Variants in MARCHF1 observed in about 807,000 individuals in gnomAD.
MARCHF1 encodes E3 ubiquitin-protein ligase MARCHF1.
In MARCHF1, 40 loss-of-function variants were observed where a neutral mutation model predicts 54.2. The ratio of observed to expected loss-of-function variants is 0.74; its 90% CI spans 0.57 to 0.96. The LOEUF (loss-of-function observed/expected upper bound fraction) is 0.96, where lower values mean the gene tolerates loss of function less well. Ranked by LOEUF, MARCHF1 falls within the 40% of genes least tolerant of loss-of-function variation. The probability of loss-of-function intolerance (pLI) is 0.00; values close to 1 mark genes in which losing one functional copy is unlikely to be tolerated. For synonymous variants in MARCHF1, 236 were observed against 236.3 expected, an observed-to-expected ratio of 1.00 and a Z score of 0.01; for missense variants, 586 against 656.5, an observed-to-expected ratio of 0.89 and a Z score of 1.17.
intron 4 of MARCHF1, among the ~76,000 whole-genome samples, chr4:163,816,797 G>A (rs1417081979): frequency 6.6e-6 from 1 of 152,012 alleles, no homozygotes; most frequent in Non-Finnish European, 1.5e-5. Flanking sequence ...CTCCATAAAG[G>A]GTTACTGAGC....
At chr4:164,093,734 G>T (rs529214631) in intron 2 of MARCHF1, among the ~76,000 whole-genome samples, 9 of 152,198 alleles carry the variant, frequency 5.9e-5, no homozygotes, top group African/African-American at 1.9e-4. Context: ...GTCCCTTCAG[G>T]CTAGAAATAA....
At chr4:164,337,754 T>C (rs1452548484) in intron 1 of MARCHF1, among the ~76,000 whole-genome samples, 2 of 152,146 alleles carry the variant, frequency 1.3e-5, no homozygotes, top group Admixed American at 1.3e-4. Flanking sequence ...TATGACCACA[T>C]GCAGCCAGCT....
intron 8 of MARCHF1, among the ~76,000 whole-genome samples, chr4:163,579,079 T>C (rs1005397204): frequency 3.3e-5 from 5 of 152,196 alleles, no homozygotes; most frequent in African/African-American, 1.2e-4. Flanking sequence ...CTCAGGTGAA[T>C]TTCTTTGACA....
At chr4:163,667,083 TA>T (rs1420228822) in intron 5 of MARCHF1, among the ~76,000 whole-genome samples, 2 of 152,136 alleles carry the variant, frequency 1.3e-5, no homozygotes, top group African/African-American at 2.4e-5. Flanking sequence ...AAATATTTTC[TA>T]AAAAAATCCA....
chr4:164,052,757 C>A (rs1754401376), intron 2 of MARCHF1, among the ~76,000 whole-genome samples: 1 of 152,036 alleles, frequency 6.6e-6, no homozygotes, highest in South Asian at 2.1e-4. Context: ...ATAAAGTAGT[C>A]AGGTAAAATC....
At chr4:163,667,828 T>C (rs1405902566) in intron 5 of MARCHF1, among the ~76,000 whole-genome samples, 2 of 152,126 alleles carry the variant, frequency 1.3e-5, no homozygotes, top group Non-Finnish European at 2.9e-5. Flanking sequence ...GGTTTCACCA[T>C]GTTGCCCAAG....
chr4:163,804,059 C>A (rs898890886), intron 4 of MARCHF1, among the ~76,000 whole-genome samples: 1 of 152,142 alleles, frequency 6.6e-6, no homozygotes, highest in Non-Finnish European at 1.5e-5. Context: ...AAAAATAATT[C>A]TTGAGAAGCA....
chr4:163,830,334 A>C (rs1748982890), intron 4 of MARCHF1, among the ~76,000 whole-genome samples: 2 of 151,362 alleles, frequency 1.3e-5, no homozygotes, highest in South Asian at 2.1e-4. Flanking sequence ...AATATATATT[A>C]AAGATATATG....
intron 3 of MARCHF1, among the ~76,000 whole-genome samples, chr4:163,883,345 G>GAA (rs1377490442): frequency 5.2e-5 from 3 of 57,706 alleles, no homozygotes; most frequent in Non-Finnish European, 3.9e-5. Context: ...ACCTACGGAT[G>GAA]TATTTTTTTT....
intron 5 of MARCHF1, among the ~76,000 whole-genome samples, chr4:163,650,780 T>G (rs376475955): frequency 1.1e-4 from 17 of 152,090 alleles, no homozygotes; most frequent in African/African-American, 4.1e-4. Context: ...TTTGGTCAAT[T>G]TGTGTGTCTT....
chr4:164,295,895 G>T (rs188487661), intron 1 of MARCHF1, among the ~76,000 whole-genome samples: 1 of 152,206 alleles, frequency 6.6e-6, no homozygotes, highest in Admixed American at 6.5e-5. Flanking sequence ...AATAAGACTT[G>T]TTAATTTAGT....
At chr4:164,159,096 A>G (rs775982705) in intron 1 of MARCHF1, among the ~76,000 whole-genome samples, 12 of 152,318 alleles carry the variant, frequency 7.9e-5, no homozygotes, top group Non-Finnish European at 1.5e-4. Context: ...CTTGTGTGGC[A>G]ATGGCCAAAT....
At chr4:164,230,226 T>A (rs1579641851) in intron 1 of MARCHF1, among the ~76,000 whole-genome samples, 1 of 151,892 alleles carries the variant, frequency 6.6e-6, no homozygotes, top group Non-Finnish European at 1.5e-5. Context: ...TGAAACCCCA[T>A]CTCTACTAAA....
intron 8 of MARCHF1, among the ~76,000 whole-genome samples, chr4:163,555,165 C>T (rs898415198): frequency 1.3e-5 from 2 of 152,140 alleles, no homozygotes; most frequent in Non-Finnish European, 1.5e-5. Context: ...GATTTAGGCA[C>T]ATTTGCAGTG....
Position 163,580,797 on chromosome 4 carries a change from A to AG in MARCHF1, c.1191+4951dup, listed in dbSNP as rs994662993. Among the ~76,000 whole-genome samples the AG allele has an allele frequency of 4.0e-5, 3 of 75,360 alleles. 1 individual carries two copies. Among genetic ancestry groups the AG allele is most frequent in the Admixed American group, 1.7e-4 (1 of 5,898 alleles). The allele number at this position is 75,360 out of a possible 152,430, so 49.4% of individuals were successfully genotyped here. ...CAGGAATGATTTAAGTAAGTATTAA[A>AG]GTTTTTTTTTTTTTTTGAGACGGAG... On this transcript the variant is annotated intron_variant, in intron 8 of 9. Coordinates refer to ENST00000514618, the MANE Select transcript of MARCHF1 (RefSeq NM_001394959.1).
chr4:164,096,311 A>T (rs1214232291), intron 2 of MARCHF1, among the ~76,000 whole-genome samples: 1 of 152,158 alleles, frequency 6.6e-6, no homozygotes, highest in Non-Finnish European at 1.5e-5. Flanking sequence ...AAACTAACAC[A>T]GAAACAGAAA....
At chr4:164,215,988 C>T (rs534968511) in intron 1 of MARCHF1, among the ~76,000 whole-genome samples, 2 of 152,124 alleles carry the variant, frequency 1.3e-5, no homozygotes, top group Non-Finnish European at 2.9e-5. Context: ...AATATTATTT[C>T]TGTATTTAAT....
At chr4:164,171,490 G>A (rs1175218984) in intron 1 of MARCHF1, among the ~76,000 whole-genome samples, 3 of 152,096 alleles carry the variant, frequency 2.0e-5, no homozygotes, top group African/African-American at 7.2e-5. Context: ...AATATTAAGT[G>A]AAATAAGTGA....
intron 1 of MARCHF1, among the ~76,000 whole-genome samples, chr4:164,169,954 A>G (rs1340625322): frequency 6.6e-6 from 1 of 152,078 alleles, no homozygotes; most frequent in Non-Finnish European, 1.5e-5. Context: ...TCATTTAACA[A>G]CAGTAACTCA....
Sources: allele counts gnomAD v4.1 joint callset (sites outside exome capture counted in the v4.1 genomes callset), GRCh38; gene constraint gnomAD v4.1.1; transcripts MANE v1.5; gene names NCBI Gene and HGNC (gene_info 2026-07-23, HGNC 2026-07-21).